Variants in RIT2 observed in about 807,000 individuals in gnomAD.
RIT2 encodes the protein GTP-binding protein Rit2.
Under a neutral mutation model 23.7 loss-of-function variants are expected in RIT2, and 24 were observed. The ratio of observed to expected loss-of-function variants is 1.01; its 90% CI spans 0.73 to 1.43. The LOEUF is 1.43. RIT2 is among the 40% of genes most tolerant of loss of function. The pLI is 0.00. For missense variants in RIT2, 236 were observed against 266.9 expected (o/e 0.88, Z 0.81); for synonymous variants, 107 against 91.1 (o/e 1.17, Z -0.99).
intron 4 of RIT2, among the ~76,000 whole-genome samples, chr18:42,860,716 A>G (rs2144048919): frequency 6.6e-6 from 1 of 152,294 alleles, no homozygotes; most frequent in Non-Finnish European, 1.5e-5. Context: ...AGAGCTTAGT[A>G]ATGAACCCTG....
intron 3 of RIT2, among the ~76,000 whole-genome samples, chr18:42,951,408 G>C (rs527423116): frequency 2.6e-5 from 4 of 151,932 alleles, no homozygotes; most frequent in African/African-American, 9.6e-5. Context: ...ACCAACAGTA[G>C]ATACCGGGGA....
chr18:43,094,842 A>G (rs989716386), intron 1 of RIT2, among the ~76,000 whole-genome samples: 1 of 152,022 alleles, frequency 6.6e-6, no homozygotes, highest in Non-Finnish European at 1.5e-5. Flanking sequence ...TAGTTTGCTG[A>G]GAATGATGGT....
chr18:42,768,898 C>G (rs778577237), intron 4 of RIT2, among the ~76,000 whole-genome samples: 4 of 151,846 alleles, frequency 2.6e-5, no homozygotes, highest in Non-Finnish European at 5.9e-5. Flanking sequence ...GACCAATACC[C>G]TTCTATTTCT....
intron 1 of RIT2, among the ~76,000 whole-genome samples, chr18:43,110,567 T>G (rs1298026324): frequency 6.6e-6 from 1 of 152,096 alleles, no homozygotes; most frequent in Admixed American, 6.6e-5. Context: ...ACCATGAGAT[T>G]ATTTTTATTT....
intron 4 of RIT2, among the ~76,000 whole-genome samples, chr18:42,910,120 T>C (rs1174514425): frequency 6.6e-6 from 1 of 151,934 alleles, no homozygotes; most frequent in Non-Finnish European, 1.5e-5. Context: ...TACATCAAAA[T>C]AGAATTCTAA....
intron 4 of RIT2, among the ~76,000 whole-genome samples, chr18:42,888,472 C>G (rs150958953): frequency 6.6e-6 from 1 of 151,974 alleles, no homozygotes; most frequent in South Asian, 2.1e-4. Flanking sequence ...ACATTCCCAG[C>G]AACACTGTAT....
At chr18:42,978,304 CT>C (rs11333526) in intron 2 of RIT2, among the ~76,000 whole-genome samples, 8,291 of 146,760 alleles carry the variant, frequency 0.056, 732 homozygotes, top group African/African-American at 0.19. Flanking sequence ...TTATCCACGG[CT>C]TTTTTTTTTT....
Position 42,885,739 on chromosome 18 carries a change from C to A in RIT2, c.426+37833G>T, listed in dbSNP as rs180839965. 3.4e-3 allele frequency among the ~76,000 whole-genome samples: 520 copies of A among 152,266 alleles called. 4 individuals carry two copies. Among genetic ancestry groups the A allele is most frequent in the Non-Finnish European group, 5.7e-3 (391 of 68,026 alleles). On this transcript the variant is annotated intron_variant, in intron 4 of 4. Coordinates refer to ENST00000326695, the MANE Select transcript of RIT2 (RefSeq NM_002930.4). Reference sequence around the variant, plus strand: ...TGTAGGACTTTCCATGGAGATATTACAAACCATTAACCAAAGTCACTTAAA... The same window carrying A: ...TGTAGGACTTTCCATGGAGATATTAAAAACCATTAACCAAAGTCACTTAAA...
At chr18:42,796,288 G>A (rs2143954744) in intron 4 of RIT2, among the ~76,000 whole-genome samples, 1 of 152,204 alleles carries the variant, frequency 6.6e-6, no homozygotes, top group South Asian at 2.1e-4. Flanking sequence ...CACCGTGAAG[G>A]TCTGTGGCTT....
chr18:42,866,054 T>C (rs1395547008), intron 4 of RIT2, among the ~76,000 whole-genome samples: 1 of 152,156 alleles, frequency 6.6e-6, no homozygotes, highest in Non-Finnish European at 1.5e-5. Context: ...CTTATCTATT[T>C]CTTTTGTGTA....
At chr18:42,853,547 A>G (rs920262118) in intron 4 of RIT2, among the ~76,000 whole-genome samples, 2 of 152,244 alleles carry the variant, frequency 1.3e-5, no homozygotes, top group African/African-American at 4.8e-5. Flanking sequence ...AGAATATTAT[A>G]CAGGTTACAA....
intron 4 of RIT2, among the ~76,000 whole-genome samples, chr18:42,865,604 T>C (rs890964418): frequency 8.5e-5 from 13 of 152,136 alleles, no homozygotes; most frequent in Non-Finnish European, 1.0e-4. Context: ...TATCTTCCAG[T>C]ATTGGATTTT....
chr18:42,750,261 A>G (rs1216732025), intron 4 of RIT2, among the ~76,000 whole-genome samples: 1 of 151,854 alleles, frequency 6.6e-6, no homozygotes, highest in East Asian at 1.9e-4. Context: ...TAAAAACAGA[A>G]AAACTATTGT....
intron 2 of RIT2, among the ~76,000 whole-genome samples, chr18:43,030,786 T>C (rs1407400949): frequency 1.3e-5 from 2 of 152,108 alleles, no homozygotes; most frequent in Admixed American, 6.6e-5. Flanking sequence ...CATGGGTTTC[T>C]GGTATGAGAT....
At chr18:42,819,916 A>T (rs1401508058) in intron 4 of RIT2, among the ~76,000 whole-genome samples, 1 of 152,126 alleles carries the variant, frequency 6.6e-6, no homozygotes, top group African/African-American at 2.4e-5. Context: ...AAATCCACAG[A>T]TCCTCAAATC....
chr18:42,888,544 T>G (rs115692425), intron 4 of RIT2, among the ~76,000 whole-genome samples: 3 of 151,756 alleles, frequency 2.0e-5, no homozygotes, highest in African/African-American at 7.3e-5. Flanking sequence ...TTTTTCTTTT[T>G]AAATAATAGC....
At chr18:42,988,771 A>G (rs1183798371) in intron 2 of RIT2, among the ~76,000 whole-genome samples, 2 of 152,190 alleles carry the variant, frequency 1.3e-5, no homozygotes, top group Admixed American at 1.3e-4. Flanking sequence ...AGGAATGATA[A>G]AAGGGAAATG....
intron 4 of RIT2, among the ~76,000 whole-genome samples, chr18:42,910,240 G>A (rs1908732240): frequency 6.6e-6 from 1 of 152,052 alleles, no homozygotes; most frequent in Admixed American, 6.6e-5. Context: ...GGCAGACATA[G>A]GCCCTAATCT....
chr18:43,067,310 T>C (rs1483151889), intron 1 of RIT2, among the ~76,000 whole-genome samples: 2 of 152,158 alleles, frequency 1.3e-5, no homozygotes, highest in African/African-American at 2.4e-5. Context: ...TCAAACTCTG[T>C]AAAATATTTG....
Sources: allele counts gnomAD v4.1 joint callset (sites outside exome capture counted in the v4.1 genomes callset), GRCh38; gene constraint gnomAD v4.1.1; transcripts MANE v1.5; gene names NCBI Gene and HGNC (gene_info 2026-07-23, HGNC 2026-07-21).